The following TTC39A variants were observed in gnomAD, a reference collection of about 807,000 sequenced individuals.
TTC39A encodes tetratricopeptide repeat protein 39A.
A neutral mutation model predicts 82.3 loss-of-function variants in TTC39A; 46 were observed. The observed-to-expected ratio is 0.56, with a 90% CI of 0.44 to 0.71. The LOEUF (loss-of-function observed/expected upper bound fraction) is 0.71, where lower values mean the gene tolerates loss of function less well. TTC39A is among the 30% of genes least tolerant of loss of function. The pLI, the probability that TTC39A is intolerant of heterozygous loss-of-function variation, is 0.00. For missense variants in TTC39A, 543 were observed against 712.9 expected, an observed-to-expected ratio of 0.76 and a Z score of 2.71; for synonymous variants, 254 against 275.2, an observed-to-expected ratio of 0.92 and a Z score of 0.76.
chr1:51,328,921 T>C (rs1027861757), intron 1 of TTC39A, among the ~76,000 whole-genome samples: 3 of 152,172 alleles, frequency 2.0e-5, no homozygotes, highest in South Asian at 2.1e-4. Flanking sequence ...TCCTGCTGCG[T>C]GCGGCCCTCC....
intron 14 of TTC39A, among the ~76,000 whole-genome samples, chr1:51,292,105 G>A (rs753343424): frequency 5.9e-5 from 9 of 152,048 alleles, no homozygotes; most frequent in Non-Finnish European, 1.3e-4. Context: ...GATCCTTTGA[G>A]CCCAGGAGTT....
chr1:51,296,163 T>C lies in TTC39A; in HGVS notation c.1061A>G (p.Tyr354Cys). 1 of 1,592,280 alleles carries C rather than the reference T, an allele frequency of 6.3e-7. No individual in the cohort carries two copies. The highest frequency in any genetic ancestry group is 2.3e-5 in the East Asian group (1 of 43,778). The change falls in exon 13 of 18, where the codon TAC becomes TGC. Residue 354 changes from tyrosine (Y) to cysteine (C), a missense_variant. Coordinates refer to ENST00000680483, the MANE Select transcript of TTC39A (RefSeq NM_001297663.2). ...SKENCWSKAT[Y>C]IYMKAAYLSM... ...GAGGTAGGCGGCCTTCATGTAAATG[T>C]AGGTGGCCTGTGCGAGACAGAGCAA... is the stretch of plus-strand genomic sequence containing the variant.
intron 1 of TTC39A, among the ~76,000 whole-genome samples, chr1:51,326,732 C>G (rs1281969037): frequency 6.6e-6 from 1 of 152,208 alleles, no homozygotes; most frequent in Non-Finnish European, 1.5e-5. Context: ...AGCGCCAAAC[C>G]TTTCCCCTCA....
upstream of TTC39A, among the ~76,000 whole-genome samples, chr1:51,332,734 T>C (rs1004525796): frequency 6.6e-6 from 1 of 152,208 alleles, no homozygotes; most frequent in African/African-American, 2.4e-5. Flanking sequence ...TAAGTACTTA[T>C]GTGTGAATAA....
At chr1:51,295,401 G>A (rs1206457761) in intron 13 of TTC39A, 1 of 152,718 alleles carries the variant, frequency 6.5e-6, no homozygotes, top group Non-Finnish European at 1.5e-5. Context: ...CACCAAGACT[G>A]GAGGAAGGCT....
chr1:51,313,624 C>T (rs1028060102), intron 2 of TTC39A, among the ~76,000 whole-genome samples: 1 of 152,222 alleles, frequency 6.6e-6, no homozygotes, highest in Non-Finnish European at 1.5e-5. Context: ...CCCAGCCACA[C>T]TGAACCACAC....
chr1:51,295,113 G>C (rs1488192507), intron 13 of TTC39A, among the ~76,000 whole-genome samples: 3 of 152,098 alleles, frequency 2.0e-5, no homozygotes, highest in African/African-American at 4.8e-5. Context: ...AGCCATTTAG[G>C]CTCAGGGAAC....
intron 2 of TTC39A, among the ~76,000 whole-genome samples, chr1:51,320,578 T>C (rs1207416802): frequency 6.6e-6 from 1 of 151,798 alleles, no homozygotes; most frequent in Non-Finnish European, 1.5e-5. Context: ...TACTATATAC[T>C]ATAGCTGAGA....
intron 2 of TTC39A, among the ~76,000 whole-genome samples, chr1:51,313,209 G>A (rs1210011592): frequency 6.6e-6 from 1 of 152,220 alleles, no homozygotes; most frequent in Non-Finnish European, 1.5e-5. Flanking sequence ...CTCGGTAGGG[G>A]TGGCAGCAGC....
At position 51,309,249 on chromosome 1, in the gene TTC39A, A is replaced by G. The variant is rs758630415; in HGVS notation, c.488+12T>C. 4 of 1,600,832 alleles carry G rather than the reference A, an allele frequency of 2.5e-6. No individual in the cohort carries two copies. The African/African-American group carries it at 5.4e-5, about 21-fold the overall frequency. ...AGGGTCTCCCCACAAGCGGATGGCC[A>G]GCCCCACTCACTTGTAGGTCTGGTA... is the stretch of plus-strand genomic sequence containing the variant. On this transcript the variant is annotated intron_variant, in intron 6 of 17. Transcript: ENST00000680483.
upstream of TTC39A, among the ~76,000 whole-genome samples, chr1:51,335,689 T>C (rs994042580): frequency 2.0e-5 from 3 of 151,806 alleles, no homozygotes; most frequent in East Asian, 5.8e-4. Flanking sequence ...TGGACCAACA[T>C]CTAGCCGTAG....
At chr1:51,293,149 C>A (rs1428249538) in intron 14 of TTC39A, among the ~76,000 whole-genome samples, 1 of 151,442 alleles carries the variant, frequency 6.6e-6, no homozygotes, top group Non-Finnish European at 1.5e-5. Flanking sequence ...CTCACTGCAA[C>A]CTCCACCTTT....
intron 4 of TTC39A, 140 bp downstream of exon 4, chr1:51,311,979 G>T: frequency 1.1e-6 from 1 of 912,054 alleles, no homozygotes; most frequent in Non-Finnish European, 1.6e-6. Flanking sequence ...AAAGGCCCCA[G>T]CTCTGACCCA....
intron 1 of TTC39A, among the ~76,000 whole-genome samples, chr1:51,337,760 C>T (rs1645992597): frequency 6.6e-6 from 1 of 152,228 alleles, no homozygotes; most frequent in East Asian, 1.9e-4. Context: ...CTGCCTCCAT[C>T]CTCCCAGTTC....
Position 51,344,999 on chromosome 1 carries a change from G to A in TTC39A, c.45C>T (p.Ser15=). The A allele has an allele frequency of 2.6e-6, 4 of 1,523,586 alleles. No homozygotes were observed. In the South Asian group the frequency reaches 3.7e-5, roughly 14 times the overall value. 94.4% of individuals were successfully genotyped at this position (1,523,586 alleles called of 1,614,324 possible). A position where few individuals can be genotyped will look rare whatever the true frequency, so the allele number is the denominator to read the frequency against. The change falls in exon 1 of 6, where the codon AGC becomes AGT. Residue 15 remains serine, a synonymous_variant. Coordinates refer to the TTC39A transcript ENST00000401051. ...CCACCCCTGCCCGGTACCTGCGGTC[G>A]CTTTTCCCGGAGGCCGCCTCCTTCC...
chr1:51,288,914 G>C lies in TTC39A; in HGVS notation c.1535C>G (p.Ala512Gly), dbSNP rs1389620488. ...IKYDHYLIPN[A>G]LLELALLLME... is the part of the protein sequence containing the mutation. The stretch of plus-strand genomic sequence containing the variant: ...AAGCAGCAGGGCCAGCTCCAGCAGG[G>C]CGTTTGGGATCAAGTAGTGGTCATA... Residue 512 changes from alanine to glycine, a missense_variant, in exon 17 of 18, where the codon GCC becomes GGC. Transcript: ENST00000680483. This position sits in a 1 kb window ranked among gnomAD's most constrained non-coding sequence, Gnocchi z 4.8. 17 of 1,611,760 alleles carry C rather than the reference G, an allele frequency of 1.1e-5. No individual in the cohort carries two copies. The highest frequency in any genetic ancestry group is 1.4e-5 in the Non-Finnish European group (17 of 1,179,110).
rs769682561 is a variant in TTC39A at position 51,311,276 on chromosome 1, C to T, written c.401G>A (p.Arg134Gln). The change falls in exon 5 of 18, where the codon CGA becomes CAA. Residue 134 changes from arginine to glutamine, a missense_variant. Arg to Gln is a conservative substitution (Grantham distance 43). Transcript: ENST00000680483. ...EVCYAECLLQ[R>Q]AALTFLQDEN... ...TACCTGCAGGAAGGTCAGGGCTGCT[C>T]GCTGCAGCAGGCACTCTGCATAGCA... 3.2e-6 allele frequency: 5 copies of T among 1,586,536 alleles called. No homozygotes were observed. The highest frequency in any genetic ancestry group is 2.7e-5 in the African/African-American group (2 of 74,468).
At chr1:51,310,756 A>G (rs1645051951) in intron 5 of TTC39A, among the ~76,000 whole-genome samples, 1 of 152,222 alleles carries the variant, frequency 6.6e-6, no homozygotes, top group Non-Finnish European at 1.5e-5. Flanking sequence ...ACCTTGGGAA[A>G]GTGACCCCTC....
intron 7 of TTC39A, 101 bp downstream of exon 7, chr1:51,305,876 C>G: frequency 8.5e-7 from 1 of 1,176,556 alleles, no homozygotes; most frequent in Non-Finnish European, 1.3e-6. Context: ...CAGCACACAG[C>G]CAGGTGCAGG....
Sources: allele counts gnomAD v4.1 joint callset (sites outside exome capture counted in the v4.1 genomes callset), GRCh38; gene constraint gnomAD v4.1.1; non-coding constraint Gnocchi (gnomAD v3.1); transcripts MANE v1.5; gene names NCBI Gene and HGNC (gene_info 2026-07-23, HGNC 2026-07-21).